Variants in TRAK1 observed in about 807,000 individuals in gnomAD.
TRAK1 encodes the protein trafficking kinesin protein 1.
In TRAK1, 33 loss-of-function variants were observed where a neutral mutation model predicts 92.1. The ratio of observed to expected loss-of-function variants is 0.36; its 90% CI spans 0.27 to 0.48. The LOEUF is 0.48. TRAK1 is among the 20% of genes least tolerant of loss of function. TRAK1 has a pLI of 0.99. For synonymous variants in TRAK1, 521 were observed against 517.3 expected (o/e 1.01, Z -0.10); for missense variants, 1,123 against 1,257.9 (o/e 0.89, Z 1.62).
chr3:42,095,718 G>GTCATCATCATCA (rs1553713896), intron 1 of TRAK1, among the ~76,000 whole-genome samples: 1 of 151,188 alleles, frequency 6.6e-6, no homozygotes, highest in African/African-American at 2.4e-5. Context: ...CTTTATCATC[G>GTCATCATCATCA]TCATCATCAT....
At chr3:42,072,720 A>T (rs938284444) in intron 1 of TRAK1, among the ~76,000 whole-genome samples, 2 of 152,162 alleles carry the variant, frequency 1.3e-5, no homozygotes, top group African/African-American at 4.8e-5. Flanking sequence ...ATGTGGATCG[A>T]TTAAATGGAT....
chr3:42,100,749 C>T (rs1706632560), intron 1 of TRAK1, among the ~76,000 whole-genome samples: 1 of 152,236 alleles, frequency 6.6e-6, no homozygotes, highest in East Asian at 1.9e-4. Flanking sequence ...TCACTGCAAC[C>T]TCTGTCTACT....
intron 1 of TRAK1, among the ~76,000 whole-genome samples, chr3:42,123,408 T>C (rs1287165046): frequency 6.6e-6 from 1 of 151,562 alleles, no homozygotes. Context: ...GCTTTGGTTC[T>C]GCAGTGAATC....
chr3:42,180,215 TATAA>T (rs1417821853), intron 3 of TRAK1, among the ~76,000 whole-genome samples: 4 of 152,214 alleles, frequency 2.6e-5, no homozygotes, highest in African/African-American at 9.6e-5. Flanking sequence ...TCATTTTATC[TATAA>T]ATATTTTTAA....
chr3:42,084,827 C>A (rs1416051751), upstream of TRAK1, among the ~76,000 whole-genome samples: 1 of 149,884 alleles, frequency 6.7e-6, no homozygotes, highest in Non-Finnish European at 1.5e-5. Context: ...TTATGCCAAT[C>A]CAGTTTTATC....
chr3:42,092,892 C>T (rs1344326324), intron 1 of TRAK1, among the ~76,000 whole-genome samples: 3 of 152,044 alleles, frequency 2.0e-5, no homozygotes, highest in Non-Finnish European at 4.4e-5. Context: ...GACCCAGGAT[C>T]TTTTCCTTTT....
chr3:42,094,625 G>A (rs1705630579), intron 1 of TRAK1, among the ~76,000 whole-genome samples: 1 of 152,040 alleles, frequency 6.6e-6, no homozygotes, highest in Non-Finnish European at 1.5e-5. Context: ...TACCACCTTA[G>A]CTTTCCAAAG....
intron 1 of TRAK1, among the ~76,000 whole-genome samples, chr3:42,049,140 T>C (rs1177578013): frequency 6.6e-6 from 1 of 152,238 alleles, no homozygotes; most frequent in African/African-American, 2.4e-5. Context: ...CCACTCACTT[T>C]GGCCTTGCAG....
At chr3:42,147,580 C>G (rs1250563926) in intron 2 of TRAK1, among the ~76,000 whole-genome samples, 1 of 152,178 alleles carries the variant, frequency 6.6e-6, no homozygotes. Context: ...TGGTTTGGGC[C>G]CCTGCCTTTA....
chr3:42,021,712 G>T (rs1373317994), intron 1 of TRAK1, among the ~76,000 whole-genome samples: 2 of 152,102 alleles, frequency 1.3e-5, no homozygotes, highest in Non-Finnish European at 2.9e-5. Context: ...AAGTAGCTGG[G>T]ATTACAGGTG....
chr3:42,206,087 G>A (rs1376461659), intron 13 of TRAK1, among the ~76,000 whole-genome samples: 1 of 152,166 alleles, frequency 6.6e-6, no homozygotes, highest in Non-Finnish European at 1.5e-5. Context: ...GAAAGAAAGA[G>A]GTAACTTGGG....
At chr3:42,214,735 A>G (rs557850220) in intron 14 of TRAK1, among the ~76,000 whole-genome samples, 2 of 152,326 alleles carry the variant, frequency 1.3e-5, no homozygotes, top group South Asian at 2.1e-4. Flanking sequence ...AATCTCTGTG[A>G]TAGAAACCTC....
At chr3:42,159,354 A>T (rs1439543543) in intron 2 of TRAK1, among the ~76,000 whole-genome samples, 1 of 152,162 alleles carries the variant, frequency 6.6e-6, no homozygotes, top group African/African-American at 2.4e-5. Context: ...GCTGAAGCAC[A>T]GAGATTACAG....
At chr3:42,218,868 GACCCTAGAGAGCCCTGATCTCTGGA>G (rs1425064072) in intron 14 of TRAK1, 1 of 985,236 alleles carries the variant, frequency 1.0e-6, no homozygotes, top group African/African-American at 1.7e-5. Flanking sequence ...TGGAGCTCAG[GACCCTAGAGAGCCCTGATCTCTGGA>G]ACTCTTGCCA....
Position 42,223,975 on chromosome 3 carries a change from T to C in TRAK1, c.*238T>C. On this transcript the variant is annotated 3_prime_UTR_variant, in exon 16 of 16. Transcript: ENST00000327628. The surrounding 1 kb of genome is among the most constrained non-coding windows in gnomAD (Gnocchi z 6.1). ...CTCTTTCTTCCGATCCCACAGGAAG[T>C]GCCCCTGCACTGTCATCACTCTCAC... is the stretch of plus-strand genomic sequence containing the variant. 1.6e-6 allele frequency: 1 copy of C among 637,848 alleles called. No homozygotes were observed. Among genetic ancestry groups the C allele is most frequent in the Non-Finnish European group, 2.8e-6 (1 of 352,484 alleles). The allele number at this position is 637,848 out of a possible 1,614,324, so 39.5% of individuals were successfully genotyped here. A position where few individuals can be genotyped will look rare whatever the true frequency, so the allele number is the denominator to read the frequency against.
intron 13 of TRAK1, chr3:42,203,094 T>C: frequency 4.1e-6 from 5 of 1,231,700 alleles, no homozygotes; most frequent in Non-Finnish European, 5.1e-6. Flanking sequence ...ATTCAAAAAT[T>C]AATTAGGTTT....
intron 3 of TRAK1, among the ~76,000 whole-genome samples, chr3:42,180,949 G>T (rs1290808478): frequency 6.6e-6 from 1 of 152,120 alleles, no homozygotes; most frequent in Non-Finnish European, 1.5e-5. Flanking sequence ...TTACTCTAAA[G>T]ATTACATTTC....
intron 2 of TRAK1, among the ~76,000 whole-genome samples, chr3:42,129,256 A>T (rs1027767858): frequency 6.6e-6 from 1 of 151,890 alleles, no homozygotes; most frequent in African/African-American, 2.4e-5. Flanking sequence ...GGCGTGTGAG[A>T]AGACAAGGTA....
intron 2 of TRAK1, among the ~76,000 whole-genome samples, chr3:42,144,749 A>C (rs1387128534): frequency 1.3e-5 from 2 of 152,142 alleles, no homozygotes; most frequent in African/African-American, 4.8e-5. Context: ...TATAAATTGT[A>C]TTATTTCATT....
Sources: allele counts gnomAD v4.1 joint callset (sites outside exome capture counted in the v4.1 genomes callset), GRCh38; gene constraint gnomAD v4.1.1; non-coding constraint Gnocchi (gnomAD v3.1); transcripts MANE v1.5; gene names NCBI Gene and HGNC (gene_info 2026-07-23, HGNC 2026-07-21).